Variants in REEP1 observed in about 807,000 individuals in gnomAD.
REEP1 encodes receptor accessory protein 1, also known as receptor expression-enhancing protein 1.
A neutral mutation model predicts 40.3 loss-of-function variants in REEP1; 22 were observed. The ratio of observed to expected loss-of-function variants is 0.55; its 90% CI spans 0.39 to 0.78. The LOEUF (loss-of-function observed/expected upper bound fraction) is 0.78, where lower values mean the gene tolerates loss of function less well. Among genes scored for constraint, REEP1 ranks in the 30% least tolerant of loss-of-function variants. The pLI, the probability that REEP1 is intolerant of heterozygous loss-of-function variation, is 0.00. For synonymous variants in REEP1, 116 were observed against 139.2 expected (o/e 0.83, Z 1.17); for missense variants, 280 against 361.1 (o/e 0.78, Z 1.82).
chr2:86,271,099 C>T (rs1170732466), intron 2 of REEP1, among the ~76,000 whole-genome samples: 1 of 151,556 alleles, frequency 6.6e-6, no homozygotes, highest in Non-Finnish European at 1.5e-5. Context: ...GGCTGAGGCA[C>T]AAGAATTGCT....
intron 1 of REEP1, among the ~76,000 whole-genome samples, chr2:86,308,174 C>A (rs1679591456): frequency 6.6e-6 from 1 of 152,220 alleles, no homozygotes; most frequent in African/African-American, 2.4e-5. Flanking sequence ...TCAGCCAGTG[C>A]ACACTGCTAA....
intron 7 of REEP1, among the ~76,000 whole-genome samples, chr2:86,225,953 C>T (rs1159592549): frequency 6.6e-6 from 1 of 152,190 alleles, no homozygotes; most frequent in Non-Finnish European, 1.5e-5. Context: ...GTCATGGCAA[C>T]CACCAGGTGG....
chr2:86,240,573 G>A (rs902634603), intron 5 of REEP1, among the ~76,000 whole-genome samples: 1 of 152,144 alleles, frequency 6.6e-6, no homozygotes, highest in Non-Finnish European at 1.5e-5. Flanking sequence ...CCTGGGAAAC[G>A]GTGAGTGAAC....
chr2:86,332,284 G>A (rs1441920832), intron 1 of REEP1, among the ~76,000 whole-genome samples: 2 of 151,900 alleles, frequency 1.3e-5, no homozygotes, highest in African/African-American at 4.8e-5. Context: ...TTCTTTTCGG[G>A]GGTTGGAAAA....
At chr2:86,243,340 G>A (rs1675769818) in intron 5 of REEP1, among the ~76,000 whole-genome samples, 1 of 152,162 alleles carries the variant, frequency 6.6e-6, no homozygotes, top group African/African-American at 2.4e-5. Flanking sequence ...AGACCTCTAG[G>A]TTCCACCAGG....
At chr2:86,292,978 T>C (rs1475330075) in intron 1 of REEP1, among the ~76,000 whole-genome samples, 1 of 152,242 alleles carries the variant, frequency 6.6e-6, no homozygotes, top group African/African-American at 2.4e-5. Context: ...CACCAGGCAC[T>C]GTACAAGGCA....
chr2:86,304,236 T>A (rs899597447), intron 1 of REEP1, among the ~76,000 whole-genome samples: 2 of 152,132 alleles, frequency 1.3e-5, no homozygotes, highest in African/African-American at 2.4e-5. Flanking sequence ...GAACAATTTC[T>A]GTAAAACCAT....
intron 5 of REEP1, among the ~76,000 whole-genome samples, chr2:86,248,258 A>G (rs1472382676): frequency 6.6e-6 from 1 of 152,132 alleles, no homozygotes. Context: ...TCTCTCTTGC[A>G]TCCCTTTCAC....
At chr2:86,251,410 TTAC>T (rs1676264594) in intron 5 of REEP1, 1 of 174,244 alleles carries the variant, frequency 5.7e-6, no homozygotes, top group African/African-American at 2.4e-5. Context: ...GCTTGGCACA[TTAC>T]TGACCTCCAT....
intron 1 of REEP1, among the ~76,000 whole-genome samples, chr2:86,296,772 G>A (rs1013218077): frequency 6.6e-6 from 1 of 152,166 alleles, no homozygotes; most frequent in African/African-American, 2.4e-5. Flanking sequence ...CAAGAGAATT[G>A]CTTGAACTGG....
chr2:86,314,074 G>C (rs1679882533), intron 1 of REEP1, among the ~76,000 whole-genome samples: 1 of 152,190 alleles, frequency 6.6e-6, no homozygotes, highest in East Asian at 1.9e-4. Context: ...AGACTAATGG[G>C]AAGAAAAGGC....
chr2:86,226,350 GACCAGAAACC>G (rs1157333486), intron 7 of REEP1, among the ~76,000 whole-genome samples: 47 of 151,972 alleles, frequency 3.1e-4, no homozygotes, highest in Non-Finnish European at 6.0e-4. Context: ...GCTGCCCCAG[GACCAGAAACC>G]CCTGGAACTT....
intron 4 of REEP1, 60 bp downstream of exon 4, chr2:86,254,634 T>C: frequency 6.4e-7 from 1 of 1,565,036 alleles, no homozygotes; most frequent in Non-Finnish European, 8.8e-7. Context: ...CATCCCTTTT[T>C]ATTTATTACT....
chr2:86,310,730 T>C (rs1270930020), intron 1 of REEP1, among the ~76,000 whole-genome samples: 2 of 152,136 alleles, frequency 1.3e-5, no homozygotes, highest in Non-Finnish European at 1.5e-5. Context: ...TCTCTCTCTG[T>C]GTATGTGTGT....
chr2:86,225,642 G>GA (rs1340630112), intron 7 of REEP1, among the ~76,000 whole-genome samples: 4 of 152,326 alleles, frequency 2.6e-5, no homozygotes, highest in African/African-American at 9.6e-5. Context: ...GCAATGCAGG[G>GA]AAAACAGGAC....
chr2:86,283,884 GGCTTCTTGC>G (rs1378233398), intron 1 of REEP1, among the ~76,000 whole-genome samples: 1 of 152,140 alleles, frequency 6.6e-6, no homozygotes, highest in Non-Finnish European at 1.5e-5. Flanking sequence ...CTCCAAGCCT[GGCTTCTTGC>G]GATCACTGTG....
intron 1 of REEP1, among the ~76,000 whole-genome samples, chr2:86,314,879 G>A (rs1160811858): frequency 2.0e-5 from 3 of 151,594 alleles, no homozygotes; most frequent in African/African-American, 7.3e-5. Context: ...TTTTTCTAGA[G>A]ATGAGGTCTC....
intron 1 of REEP1, among the ~76,000 whole-genome samples, chr2:86,301,166 C>T (rs575533259): frequency 5.3e-5 from 8 of 152,316 alleles, no homozygotes; most frequent in Admixed American, 3.9e-4. Flanking sequence ...CTCCTTCATC[C>T]GCATTCTCTT....
intron 2 of REEP1, among the ~76,000 whole-genome samples, chr2:86,278,576 G>A (rs765770128): frequency 3.3e-5 from 5 of 152,208 alleles, no homozygotes. Context: ...AGCTGTATTG[G>A]TTATTTTTTT....
Sources: allele counts gnomAD v4.1 joint callset (sites outside exome capture counted in the v4.1 genomes callset), GRCh38; gene constraint gnomAD v4.1.1; transcripts MANE v1.5; gene names NCBI Gene and HGNC (gene_info 2026-07-23, HGNC 2026-07-21).